DOT1L: variants seen among roughly 807,000 people sequenced by gnomAD.
DOT1L encodes the protein DOT1 like histone lysine methyltransferase, also known as histone-lysine N-methyltransferase, H3 lysine-79 specific.
A neutral mutation model predicts 153.3 loss-of-function variants in DOT1L; 33 were observed. The observed-to-expected ratio is 0.22, with a 90% CI of 0.16 to 0.29. The LOEUF is 0.29. Among genes scored for constraint, DOT1L ranks in the 10% least tolerant of loss-of-function variants. The pLI is 1.00. For synonymous variants in DOT1L, 1,135 were observed against 965.1 expected (o/e 1.18, Z -3.26); for missense variants, 1,847 against 2,119.9 (o/e 0.87, Z 2.53).
At chr19:2,206,385 C>T (rs374011176) in intron 9 of DOT1L, among the ~76,000 whole-genome samples, 16 of 152,036 alleles carry the variant, frequency 1.1e-4, no homozygotes, top group Admixed American at 4.6e-4. Context: ...GGGTGAAACC[C>T]GCTCTCTACT....
chr19:2,228,408 C>G, intron 27 of DOT1L: 1 of 1,255,540 alleles, frequency 8.0e-7, no homozygotes, highest in Non-Finnish European at 1.0e-6. Context: ...TGCGCGGTGG[C>G]TCACTCCAGA....
chr19:2,200,761 G>GCATTCTTCATCCTCCCCT (rs2023227357), intron 8 of DOT1L, among the ~76,000 whole-genome samples: 2 of 144,914 alleles, frequency 1.4e-5, no homozygotes, highest in Admixed American at 6.9e-5. Context: ...CGTCCTCCCC[G>GCATTCTTCATCCTCCCCT]CATTCTTCAT....
Position 2,193,540 on chromosome 19 carries a change from C to A in DOT1L, c.494-149C>A. On this transcript the variant is annotated intron_variant, in intron 5 of 27. Coordinates refer to ENST00000398665, the MANE Select transcript of DOT1L (RefSeq NM_032482.3). This position sits in a 1 kb window ranked among gnomAD's most constrained non-coding sequence, Gnocchi z 5.9. ...GGTCTCTGGGAAGGATCCTGAGTGA[C>A]CTTGGAGCATCGGATATGTGTGGAG... 1 of 657,618 alleles carries A rather than the reference C, an allele frequency of 1.5e-6. No individual in the cohort carries two copies. Among genetic ancestry groups the A allele is most frequent in the Non-Finnish European group, 2.6e-6 (1 of 386,106 alleles). The allele number at this position is 657,618 out of a possible 1,614,324, so 40.7% of individuals were successfully genotyped here.
At chr19:2,209,272 T>C (rs1307910744) in intron 12 of DOT1L, among the ~76,000 whole-genome samples, 6 of 152,026 alleles carry the variant, frequency 3.9e-5, no homozygotes, top group African/African-American at 1.4e-4. Flanking sequence ...TTTCTCTCTC[T>C]CTCCCACCCT....
chr19:2,224,150 G>A (rs2024233313), intron 25 of DOT1L, among the ~76,000 whole-genome samples: 1 of 152,240 alleles, frequency 6.6e-6, no homozygotes, highest in South Asian at 2.1e-4. Context: ...TCGTGGCTGG[G>A]TGGTGCTCCA....
chr19:2,206,521 CAAAA>C (rs5826758), intron 9 of DOT1L, among the ~76,000 whole-genome samples: 4 of 80,708 alleles, frequency 5.0e-5, no homozygotes, highest in Non-Finnish European at 7.4e-5. Flanking sequence ...GACTCTGTCT[CAAAA>C]AAAAAAAAAA....
chr19:2,185,809 A>T (rs753086198), intron 2 of DOT1L, 46 bp from the exon 3 acceptor site: 1 of 1,593,064 alleles, frequency 6.3e-7, no homozygotes. Flanking sequence ...AAAACAAAAC[A>T]AAAAAAACCA....
At chr19:2,183,482 C>G (rs1483377615) in intron 2 of DOT1L, among the ~76,000 whole-genome samples, 1 of 152,060 alleles carries the variant, frequency 6.6e-6, no homozygotes, top group Non-Finnish European at 1.5e-5. Context: ...CCTAGGCTCT[C>G]CTCGTTTGGA....
intron 2 of DOT1L, among the ~76,000 whole-genome samples, chr19:2,184,750 C>T (rs1039546556): frequency 3.9e-5 from 6 of 152,200 alleles, no homozygotes; most frequent in Admixed American, 2.0e-4. Context: ...CTCGCCCACA[C>T]GGGGCTGCTC....
At chr19:2,211,949 T>A in intron 16 of DOT1L, 107 bp downstream of exon 16, 1 of 1,036,450 alleles carries the variant, frequency 9.6e-7, no homozygotes, top group Non-Finnish European at 1.4e-6. Context: ...CAGGCCTGAG[T>A]GGGCTCCCTC....
At chr19:2,211,031 A>G in intron 14 of DOT1L, 68 bp from the exon 15 acceptor site, 1 of 1,525,342 alleles carries the variant, frequency 6.6e-7, no homozygotes, top group Non-Finnish European at 9.0e-7. Context: ...CACCTGCCCC[A>G]TGCTGACGCC....
At position 2,208,884 on chromosome 19, in the gene DOT1L, G is replaced by A. The variant is rs779983502; in HGVS notation, c.964-51G>A. On this transcript the variant is annotated intron_variant, in intron 11 of 27. Coordinates refer to ENST00000398665, the MANE Select transcript of DOT1L (RefSeq NM_032482.3). This position sits in a 1 kb window ranked among gnomAD's most constrained non-coding sequence, Gnocchi z 4.4. Reference sequence around the variant, plus strand: ...GTTACCTGGGTGTCCAGACAAATCCGAACAGAGATTGGGACTCCCTTCTAA... The same window carrying A: ...GTTACCTGGGTGTCCAGACAAATCCAAACAGAGATTGGGACTCCCTTCTAA... The A allele has an allele frequency of 7.5e-6, 12 of 1,591,726 alleles. No individual in the cohort carries two copies. Among genetic ancestry groups the A allele is most frequent in the Middle Eastern group, 1.7e-4 (1 of 6,002 alleles).
chr19:2,198,729 C>A (rs1409134594), intron 7 of DOT1L, among the ~76,000 whole-genome samples: 1 of 152,218 alleles, frequency 6.6e-6, no homozygotes, highest in African/African-American at 2.4e-5. Context: ...CCCAACTACT[C>A]CAGCCCCCAG....
At chr19:2,201,897 C>T (rs1276311241) in intron 8 of DOT1L, among the ~76,000 whole-genome samples, 2 of 152,228 alleles carry the variant, frequency 1.3e-5, no homozygotes, top group Non-Finnish European at 2.9e-5. Context: ...ACTCCTCCCA[C>T]AGGCTGCCCA....
At position 2,216,400 on chromosome 19, in the gene DOT1L, C is replaced by G. The variant is rs779548078; in HGVS notation, c.2043C>G (p.Arg681=). The G allele has an allele frequency of 4.2e-5, 68 of 1,612,296 alleles. No homozygotes were observed. The highest frequency in any genetic ancestry group is 5.4e-5 in the Non-Finnish European group (64 of 1,179,866). ...TGCGTGGGAAGGGCGCCCTGGGCCG[C>G]GAGCTGGAGCCTGACGCCAGCCGGC... The part of the protein sequence containing the change: ...LHLRGKGALG[R]ELEPDASRLH... The change falls in exon 20 of 28, where the codon CGC becomes CGG. Residue 681 remains arginine (R), a synonymous_variant. Transcript: ENST00000398665.
rs1201293100 is a variant in DOT1L, at chr19:2,193,288, C to A, written c.494-401C>A. Among the ~76,000 whole-genome samples, 2 of 151,778 alleles carry A rather than the reference C, an allele frequency of 1.3e-5. No individual in the cohort carries two copies. The highest frequency in any genetic ancestry group is 3.8e-4 in the East Asian group (2 of 5,206). Reference sequence around the variant, plus strand: ...TTCCTGGGGTGCCATAAGATTTTATCAGCCAGGTTGCTGTGTGTCTGTGTG... The same window carrying A: ...TTCCTGGGGTGCCATAAGATTTTATAAGCCAGGTTGCTGTGTGTCTGTGTG... On this transcript the variant is annotated intron_variant, in intron 5 of 27. Transcript: ENST00000398665. This position sits in a 1 kb window ranked among gnomAD's most constrained non-coding sequence, Gnocchi z 5.9.
chr19:2,213,814 A>AC, intron 17 of DOT1L, 35 bp from the exon 18 acceptor site: 1 of 1,611,432 alleles, frequency 6.2e-7, no homozygotes, highest in Non-Finnish European at 8.5e-7. Flanking sequence ...CTTGGAGGCC[A>AC]CCAGCATGAC....
At chr19:2,205,366 C>CGGA (rs2023452722) in intron 9 of DOT1L, among the ~76,000 whole-genome samples, 3 of 152,308 alleles carry the variant, frequency 2.0e-5, no homozygotes, top group Admixed American at 2.0e-4. Flanking sequence ...ACACCAAGTT[C>CGGA]TTCCTGCAGC....
intron 15 of DOT1L, 50 bp from the exon 16 acceptor site, chr19:2,211,699 CCT>C (rs2023721499): frequency 4.7e-6 from 7 of 1,479,718 alleles, no homozygotes; most frequent in South Asian, 3.7e-5. Context: ...CCACCTCTTC[CCT>C]CTCAGTCTCA....
Sources: allele counts gnomAD v4.1 joint callset (sites outside exome capture counted in the v4.1 genomes callset), GRCh38; gene constraint gnomAD v4.1.1; non-coding constraint Gnocchi (gnomAD v3.1); transcripts MANE v1.5; gene names NCBI Gene and HGNC (gene_info 2026-07-23, HGNC 2026-07-21).